Variants in DAPK1 observed in about 807,000 individuals in gnomAD.
The protein encoded by DAPK1 is death associated protein kinase 1.
In DAPK1, 56 loss-of-function variants were observed where a neutral mutation model predicts 144.9. The ratio of observed to expected loss-of-function variants is 0.39; its 90% CI spans 0.31 to 0.48. The LOEUF (loss-of-function observed/expected upper bound fraction) is 0.48. Among genes scored for constraint, DAPK1 ranks in the 20% least tolerant of loss-of-function variants. DAPK1 has a pLI of 0.95. For missense variants in DAPK1, 1,454 were observed against 1,875.4 expected, an observed-to-expected ratio of 0.78 and a Z score of 4.15; for synonymous variants, 690 against 749.0, an observed-to-expected ratio of 0.92 and a Z score of 1.29.
At chr9:87,630,743 C>T (rs191521926) in intron 3 of DAPK1, among the ~76,000 whole-genome samples, 4 of 152,224 alleles carry the variant, frequency 2.6e-5, no homozygotes, top group Admixed American at 6.5e-5. Flanking sequence ...GCACACAGAT[C>T]GGAGGATCTT....
At chr9:87,629,633 C>T (rs1364163345) in intron 3 of DAPK1, among the ~76,000 whole-genome samples, 3 of 152,102 alleles carry the variant, frequency 2.0e-5, no homozygotes, top group African/African-American at 4.8e-5. Flanking sequence ...CCTTGGCCTC[C>T]CGAAGTGTTG....
At chr9:87,695,932 T>C (rs77054505) in intron 21 of DAPK1, among the ~76,000 whole-genome samples, 4 of 152,166 alleles carry the variant, frequency 2.6e-5, no homozygotes, top group African/African-American at 7.2e-5. Context: ...ACAAACCTAA[T>C]GTGGGCAGTT....
rs544554495 is a variant in DAPK1, at chr9:87,498,660, G to A, written c.-108-310G>A. The A allele has an allele frequency of 6.9e-5, 26 of 374,890 alleles. No individual in the cohort carries two copies. The East Asian group carries it at 1.0e-3, about 14-fold the overall frequency. The allele number at this position is 374,890 out of a possible 1,614,324, so 23.2% of individuals were successfully genotyped here. A position where few individuals can be genotyped will look rare whatever the true frequency, so the allele number is the denominator to read the frequency against. On this transcript the variant is annotated intron_variant, in intron 1 of 25. Coordinates refer to ENST00000408954, the MANE Select transcript of DAPK1 (RefSeq NM_004938.4). Reference sequence around the variant, plus strand: ...AGGTGGGAAAGCTGGGTGGGCATGTGTGCAGAGAAAGGGGAGGCGGGGAGG... The same window carrying A: ...AGGTGGGAAAGCTGGGTGGGCATGTATGCAGAGAAAGGGGAGGCGGGGAGG...
intron 2 of DAPK1, among the ~76,000 whole-genome samples, chr9:87,569,958 G>A (rs1484675477): frequency 2.0e-5 from 3 of 152,212 alleles, no homozygotes; most frequent in African/African-American, 7.2e-5. Flanking sequence ...CGAATGTCAT[G>A]ATTTTATTTC....
At chr9:87,622,775 G>C (rs1429066185) in intron 3 of DAPK1, among the ~76,000 whole-genome samples, 1 of 152,046 alleles carries the variant, frequency 6.6e-6, no homozygotes, top group Non-Finnish European at 1.5e-5. Context: ...GCCGGGTGTG[G>C]TGGGGCGCAC....
At chr9:87,546,579 T>A (rs1230060870) in intron 2 of DAPK1, among the ~76,000 whole-genome samples, 1 of 152,084 alleles carries the variant, frequency 6.6e-6, no homozygotes. Flanking sequence ...GCCTCCAGGG[T>A]CAACAAGGCC....
At chr9:87,506,688 G>C (rs1824608108) in intron 2 of DAPK1, 1 of 152,192 alleles carries the variant, frequency 6.6e-6, no homozygotes, top group South Asian at 2.1e-4. Flanking sequence ...TTTTGTTCTG[G>C]TTTGTTGGGG....
chr9:87,632,875 A>T (rs1829749777), intron 3 of DAPK1: 2 of 958,086 alleles, frequency 2.1e-6, no homozygotes, highest in Non-Finnish European at 1.2e-6. Context: ...AAGGAAGATG[A>T]GTATACATGT....
intron 19 of DAPK1, among the ~76,000 whole-genome samples, chr9:87,675,515 C>G (rs1277377098): frequency 6.6e-6 from 1 of 151,934 alleles, no homozygotes; most frequent in Non-Finnish European, 1.5e-5. Flanking sequence ...GAACAATGCC[C>G]GACATGACCC....
At chr9:87,516,724 G>A (rs1825074058) in intron 2 of DAPK1, among the ~76,000 whole-genome samples, 1 of 152,178 alleles carries the variant, frequency 6.6e-6, no homozygotes, top group South Asian at 2.1e-4. Flanking sequence ...GGCAGGAGGT[G>A]TGAAGAATGC....
intron 18 of DAPK1, among the ~76,000 whole-genome samples, chr9:87,664,079 C>T (rs1213803703): frequency 6.6e-6 from 1 of 152,082 alleles, no homozygotes; most frequent in African/African-American, 2.4e-5. Flanking sequence ...ACCAGTCCAT[C>T]CCAGCCCCAC....
At chr9:87,629,743 G>C (rs1329140435) in intron 3 of DAPK1, among the ~76,000 whole-genome samples, 1 of 152,144 alleles carries the variant, frequency 6.6e-6, no homozygotes, top group Non-Finnish European at 1.5e-5. Context: ...ATCATAGTCA[G>C]TTTGACATTA....
intron 2 of DAPK1, among the ~76,000 whole-genome samples, chr9:87,571,074 T>C (rs990912246): frequency 2.6e-5 from 4 of 152,180 alleles, no homozygotes; most frequent in Non-Finnish European, 5.9e-5. Flanking sequence ...GTTTAGTTCA[T>C]TAAAGAAAAT....
chr9:87,535,763 A>G (rs1208249422), intron 2 of DAPK1, among the ~76,000 whole-genome samples: 1 of 152,214 alleles, frequency 6.6e-6, no homozygotes, highest in Middle Eastern at 3.2e-3. Context: ...AAAGTAGGCA[A>G]CGGTATAGTA....
intron 2 of DAPK1, among the ~76,000 whole-genome samples, chr9:87,527,071 G>T (rs891832161): frequency 2.6e-5 from 4 of 152,204 alleles, no homozygotes; most frequent in Non-Finnish European, 5.9e-5. Context: ...CCATGACATT[G>T]TTAATTGTGA....
At chr9:87,501,579 T>C (rs1329599) in intron 2 of DAPK1, among the ~76,000 whole-genome samples, 44,381 of 151,994 alleles carry the variant, frequency 0.29, 7,503 homozygotes, top group African/African-American at 0.44. Flanking sequence ...ACTTTACTTA[T>C]ATATCTTTAG....
chr9:87,663,842 G>C (rs907762099), intron 18 of DAPK1, among the ~76,000 whole-genome samples: 1 of 151,938 alleles, frequency 6.6e-6, no homozygotes, highest in South Asian at 2.1e-4. Flanking sequence ...AAGGGCTTCC[G>C]CATCTGTCTG....
chr9:87,498,839 C>T, intron 1 of DAPK1, 131 bp from the exon 2 acceptor site: 2 of 525,484 alleles, frequency 3.8e-6, no homozygotes, highest in Non-Finnish European at 6.9e-6. Context: ...GGGTGCTCCT[C>T]TCCACCCCGC....
In DAPK1 at chr9:87,580,718, C is replaced by T. The variant is rs575752132; in HGVS notation, c.63-24236C>T. Among the ~76,000 whole-genome samples, 20 of 152,290 alleles carry T rather than the reference C, an allele frequency of 1.3e-4. No homozygotes were observed. The South Asian group carries it at 4.1e-3, about 32-fold the overall frequency. Reference sequence around the variant, plus strand: ...GACTTTACTACCTGCTCTAAAGCTCCCATCGCTTTGGCCTTATGTGATATC... The same window carrying T: ...GACTTTACTACCTGCTCTAAAGCTCTCATCGCTTTGGCCTTATGTGATATC... On this transcript the variant is annotated intron_variant, in intron 2 of 25. Transcript: ENST00000408954.
Sources: allele counts gnomAD v4.1 joint callset (sites outside exome capture counted in the v4.1 genomes callset), GRCh38; gene constraint gnomAD v4.1.1; transcripts MANE v1.5; gene names NCBI Gene and HGNC (gene_info 2026-07-23, HGNC 2026-07-21).